The following CMSS1 variants were observed in gnomAD, a reference collection of about 807,000 sequenced individuals.
CMSS1 encodes the protein protein CMSS1.
CMSS1 carries 33 observed loss-of-function variants against 43.5 expected under a neutral mutation model. The ratio of observed to expected loss-of-function variants is 0.76; its 90% CI spans 0.57 to 1.01. The LOEUF is 1.01. Ranked by LOEUF, CMSS1 falls within the 50% of genes least tolerant of loss-of-function variation. The pLI is 0.00. For synonymous variants in CMSS1, 115 were observed against 117.2 expected (o/e 0.98, Z 0.12); for missense variants, 313 against 326.4 (o/e 0.96, Z 0.32).
intron 1 of CMSS1, among the ~76,000 whole-genome samples, chr3:100,067,731 A>T (rs1305948688): frequency 6.6e-6 from 1 of 152,206 alleles, no homozygotes; most frequent in African/African-American, 2.4e-5. Flanking sequence ...CACACTGAGT[A>T]GGTGCTAAAT....
intron 1 of CMSS1, among the ~76,000 whole-genome samples, chr3:100,088,586 A>G (rs2066051920): frequency 1.3e-5 from 2 of 152,204 alleles, no homozygotes; most frequent in African/African-American, 2.4e-5. Flanking sequence ...AAAAGTGTCA[A>G]AGCACACCAG....
At chr3:100,135,438 ATGTGTGTGTGTG>A (rs71132511) in intron 1 of CMSS1, among the ~76,000 whole-genome samples, 3,399 of 120,820 alleles carry the variant, frequency 0.028, 64 homozygotes, top group East Asian at 0.098. Context: ...GTGTGTGTGC[ATGTGTGTGTGTG>A]TGTGTGTGTG....
At chr3:100,160,325 A>G (rs2067012675) in intron 2 of CMSS1, 105 bp from the exon 3 acceptor site, 1 of 654,790 alleles carries the variant, frequency 1.5e-6, no homozygotes, top group Middle Eastern at 2.6e-4. Context: ...TTACCAAGAT[A>G]CTCTGAAGAA....
chr3:99,939,739 C>G (rs1707799022), intron 1 of CMSS1, among the ~76,000 whole-genome samples: 2 of 152,100 alleles, frequency 1.3e-5, no homozygotes, highest in South Asian at 2.1e-4. Context: ...GTAATGATAC[C>G]TTTCACATGC....
rs115092847 is a variant in CMSS1, at chr3:99,868,812, C to G, written c.64+50769C>G. Among the ~76,000 whole-genome samples, 873 of 152,280 alleles carry G rather than the reference C, an allele frequency of 5.7e-3. 11 individuals are homozygous for G. Among genetic ancestry groups the G allele is most frequent in the African/African-American group, 0.016 (674 of 41,570 alleles). ...CATCTTTTCCATGAATGTTTCTTAA[C>G]TTGTCTAACCCTGGCTGATTTTCCT... On this transcript the variant is annotated intron_variant, in intron 1 of 9. Transcript: ENST00000421999.
At chr3:99,934,862 T>C (rs1707609896) in intron 1 of CMSS1, among the ~76,000 whole-genome samples, 1 of 152,158 alleles carries the variant, frequency 6.6e-6, no homozygotes, top group African/African-American at 2.4e-5. Flanking sequence ...TCTAAAGAGA[T>C]TAGAGTTTTA....
chr3:100,101,602 G>A (rs2066306578), intron 1 of CMSS1, among the ~76,000 whole-genome samples: 9 of 152,054 alleles, frequency 5.9e-5, no homozygotes, highest in Admixed American at 5.9e-4. Context: ...AGGAGGGGTT[G>A]GGATGTTTTT....
At chr3:100,078,873 A>G (rs1200841708) in intron 1 of CMSS1, among the ~76,000 whole-genome samples, 1 of 152,186 alleles carries the variant, frequency 6.6e-6, no homozygotes, top group Non-Finnish European at 1.5e-5. Context: ...CCTGAGCGAC[A>G]GAGTGGGACT....
At chr3:100,001,565 A>C (rs1709843239) in intron 1 of CMSS1, among the ~76,000 whole-genome samples, 1 of 152,184 alleles carries the variant, frequency 6.6e-6, no homozygotes, top group Non-Finnish European at 1.5e-5. Flanking sequence ...GTAGGAAGAA[A>C]GTCAGCCAGA....
At chr3:99,823,785 A>G (rs1054397870) in intron 1 of CMSS1, among the ~76,000 whole-genome samples, 1 of 151,874 alleles carries the variant, frequency 6.6e-6, no homozygotes, top group Non-Finnish European at 1.5e-5. Context: ...TTACTCCCCT[A>G]TAGTTTATGC....
intron 1 of CMSS1, among the ~76,000 whole-genome samples, chr3:99,878,852 G>A (rs1705627624): frequency 6.6e-6 from 1 of 152,184 alleles, no homozygotes; most frequent in African/African-American, 2.4e-5. Flanking sequence ...ATAAGTAGAT[G>A]AGTAGACTTT....
intron 1 of CMSS1, among the ~76,000 whole-genome samples, chr3:99,859,844 T>C (rs1944153949): frequency 6.6e-6 from 1 of 152,164 alleles, no homozygotes; most frequent in Non-Finnish European, 1.5e-5. Flanking sequence ...TTTTCACTGT[T>C]TAGTCTAAAT....
intron 1 of CMSS1, among the ~76,000 whole-genome samples, chr3:100,087,745 G>T (rs1217212961): frequency 5.3e-5 from 8 of 150,298 alleles, no homozygotes; most frequent in Non-Finnish European, 1.0e-4. Flanking sequence ...ATTGATCAGT[G>T]TTCTCTTGTG....
chr3:100,153,367 T>C lies in CMSS1; in HGVS notation c.153+6306T>C, dbSNP rs574938160. Among the ~76,000 whole-genome samples, 12 of 152,372 alleles carry C rather than the reference T, an allele frequency of 7.9e-5. No homozygotes were observed. The South Asian group carries it at 2.3e-3, about 29-fold the overall frequency. ...TATTATTTAGATTCCTCCATGTCAG[T>C]GTATAGTATTTCACTTCTTTTTATC... On this transcript the variant is annotated intron_variant, in intron 2 of 9. Coordinates refer to ENST00000421999, the MANE Select transcript of CMSS1 (RefSeq NM_032359.4).
At chr3:100,026,139 A>G (rs1478889494) in intron 1 of CMSS1, among the ~76,000 whole-genome samples, 10 of 152,172 alleles carry the variant, frequency 6.6e-5, no homozygotes, top group Admixed American at 6.6e-4. Context: ...CTGTATCAGG[A>G]TGCTGTCAAA....
chr3:99,968,352 T>C (rs561829686), intron 1 of CMSS1, among the ~76,000 whole-genome samples: 1 of 151,828 alleles, frequency 6.6e-6, no homozygotes, highest in South Asian at 2.1e-4. Context: ...GGGATTAAGA[T>C]AAAGGACCTG....
At chr3:100,073,454 CCTCGAAAAGACTGGG>C (rs2065794968) in intron 1 of CMSS1, among the ~76,000 whole-genome samples, 1 of 152,106 alleles carries the variant, frequency 6.6e-6, no homozygotes, top group South Asian at 2.1e-4. Flanking sequence ...TCTGCAGCTT[CCTCGAAAAGACTGGG>C]GTAGAGGAGA....
At chr3:99,849,957 C>T (rs769184193) in intron 1 of CMSS1, 18 of 1,612,722 alleles carry the variant, frequency 1.1e-5, no homozygotes, top group South Asian at 4.4e-5. Flanking sequence ...TCTCTTCTTC[C>T]GCTTTCAATT....
At chr3:99,835,897 A>G (rs1052248640) in intron 1 of CMSS1, among the ~76,000 whole-genome samples, 5 of 152,206 alleles carry the variant, frequency 3.3e-5, no homozygotes, top group African/African-American at 1.2e-4. Context: ...GAACAAAGGA[A>G]GAAGAGTATT....
Sources: gnomAD v4.1 joint callset for allele counts (sites outside exome capture counted in the v4.1 genomes callset) on GRCh38, gnomAD v4.1.1 for gene constraint, MANE v1.5 for transcripts, NCBI Gene and HGNC (gene_info 2026-07-23, HGNC 2026-07-21) for gene names.